Variants in LAMA3 observed in about 807,000 individuals in gnomAD.
LAMA3 encodes laminin subunit alpha 3.
A neutral mutation model predicts 402.0 loss-of-function variants in LAMA3; 281 were observed. The ratio of observed to expected loss-of-function variants is 0.70; its 90% CI spans 0.63 to 0.77. The LOEUF (loss-of-function observed/expected upper bound fraction) is 0.77. Ranked by LOEUF, LAMA3 falls within the 30% of genes least tolerant of loss-of-function variation. The pLI, the probability that LAMA3 is intolerant of heterozygous loss-of-function variation, is 0.00. For synonymous variants in LAMA3, 1,431 were observed against 1,558.4 expected, an observed-to-expected ratio of 0.92 and a Z score of 1.93; for missense variants, 3,840 against 4,215.5, an observed-to-expected ratio of 0.91 and a Z score of 2.47.
At chr18:23,919,988 A>G (rs2081774794) in intron 60 of LAMA3, among the ~76,000 whole-genome samples, 2 of 152,250 alleles carry the variant, frequency 1.3e-5, no homozygotes, top group Non-Finnish European at 2.9e-5. Flanking sequence ...CAGAATTTAC[A>G]AGATTATGTT....
intron 69 of LAMA3, 96 bp downstream of exon 69, chr18:23,944,067 G>C: frequency 8.0e-7 from 1 of 1,245,978 alleles, no homozygotes; most frequent in Non-Finnish European, 1.1e-6. Flanking sequence ...CCAGACATGA[G>C]GGCGTGGAGT....
In LAMA3 at chr18:23,833,957, G is replaced by T. The variant is rs531767904; in HGVS notation, c.2953G>T (p.Gly985Cys). The T allele has an allele frequency of 8.5e-5, 138 of 1,614,222 alleles. No individual in the cohort carries two copies. The Middle Eastern group carries it at 2.0e-3, about 23-fold the overall frequency. ...GAAGAGCTCCGGGTCTGTTCTGGCA[G>T]GCCAGGTGAACATTTACAGCTGCAA... Reference protein sequence around the residue: ...NVKSSGSVLAGQVNIYSCNYS... With the variant: ...NVKSSGSVLACQVNIYSCNYS... Residue 985 changes from glycine to cysteine, a missense_variant, in exon 24 of 75, where the codon GGC becomes TGC. Physicochemically the swap from Gly to Cys is radical, Grantham distance 159. Around this residue, in one of 3 missense-constraint regions of LAMA3, gnomAD observed 2,109 missense variants for 2,376.0 expected, o/e 0.89. Transcript: ENST00000313654.
chr18:23,697,695 T>G, intron 1 of LAMA3, among the ~76,000 whole-genome samples: 1 of 139,154 alleles, frequency 7.2e-6, no homozygotes, highest in South Asian at 2.8e-4. Flanking sequence ...AATATTCCAA[T>G]ACCCGCCCCC....
At chr18:23,921,657 G>A (rs1283100204) in intron 62 of LAMA3, 72 bp downstream of exon 62, 46 of 1,507,278 alleles carry the variant, frequency 3.1e-5, no homozygotes, top group Admixed American at 1.0e-4. Flanking sequence ...AAAAAATCTG[G>A]TCTGCCATTT....
chr18:23,710,347 A>G (rs1294784400), intron 1 of LAMA3: 7 of 410,052 alleles, frequency 1.7e-5, no homozygotes, highest in Non-Finnish European at 3.2e-5. Flanking sequence ...CCCTTTTAAA[A>G]AGCCCCACGA....
chr18:23,847,298 G>A (rs541239283), intron 31 of LAMA3, among the ~76,000 whole-genome samples, 166 bp from the exon 32 acceptor site: 120 of 152,326 alleles, frequency 7.9e-4, no homozygotes, highest in Middle Eastern at 6.8e-3. Context: ...TGTCTGCCAT[G>A]AGCATTTGGT....
intron 3 of LAMA3, 59 bp downstream of exon 3, chr18:23,748,119 C>G: frequency 9.8e-7 from 1 of 1,016,148 alleles, no homozygotes; most frequent in Non-Finnish European, 1.6e-6. Flanking sequence ...CAGATAAAGA[C>G]TATGGATTTA....
At position 23,749,473 on chromosome 18, in the gene LAMA3, T is replaced by G; in HGVS notation, c.611T>G (p.Met204Arg). ...CLKEFGREAN[M>R]AVTRDDDVLC... ...AAAGAATTTGGGCGGGAGGCAAATA[T>G]GGCTGTCACCCGGGATGATGATGTA... The change falls in exon 4 of 75, where the codon ATG becomes AGG. Residue 204 changes from methionine (M) to arginine (R), a missense_variant. By Grantham distance (91) the Met-to-Arg change is moderately conservative. This residue lies in a region of LAMA3 where 2,109 missense variants were observed against 2,376.0 expected (regional missense o/e 0.89). Transcript: ENST00000313654. 6.2e-7 allele frequency: 1 copy of G among 1,613,166 alleles called. No homozygotes were observed. Among genetic ancestry groups the G allele is most frequent in the Non-Finnish European group, 8.5e-7 (1 of 1,179,114 alleles).
chr18:23,951,441 G>T (rs1216220792), intron 72 of LAMA3, among the ~76,000 whole-genome samples: 1 of 152,184 alleles, frequency 6.6e-6, no homozygotes, highest in Non-Finnish European at 1.5e-5. Context: ...ACAACTCATT[G>T]CCATTGGCAA....
chr18:23,813,573 T>G (rs1457095831), intron 14 of LAMA3, among the ~76,000 whole-genome samples: 1 of 136,688 alleles, frequency 7.3e-6, no homozygotes, highest in Non-Finnish European at 1.5e-5. Flanking sequence ...TTTTTTTTTT[T>G]GCTCTTGTCG....
intron 1 of LAMA3, among the ~76,000 whole-genome samples, chr18:23,699,024 TAGAGAGAGAGAG>T (rs34691495): frequency 5.6e-5 from 8 of 142,466 alleles, no homozygotes; most frequent in South Asian, 2.3e-4. Context: ...GGCGGGCAGA[TAGAGAGAGAGAG>T]AGAGAGAGAG....
chr18:23,826,476 A>C (rs2063383844), intron 21 of LAMA3, among the ~76,000 whole-genome samples: 1 of 152,218 alleles, frequency 6.6e-6, no homozygotes, highest in Non-Finnish European at 1.5e-5. Flanking sequence ...TTGAAGAATA[A>C]AACTGTTCAC....
intron 22 of LAMA3, 79 bp from the exon 23 acceptor site, chr18:23,827,235 C>T (rs911274364): frequency 1.8e-5 from 25 of 1,421,718 alleles, no homozygotes; most frequent in Admixed American, 6.7e-5. Context: ...GACTGAGAGT[C>T]TTTGGGGATG....
At chr18:23,751,127 T>G in intron 5 of LAMA3, 39 bp downstream of exon 5, 6 of 1,611,238 alleles carry the variant, frequency 3.7e-6, no homozygotes, top group Non-Finnish European at 5.1e-6. Flanking sequence ...CTTTATTTAT[T>G]CATTTTTTTG....
At chr18:23,837,924 A>G (rs1385115192) in intron 25 of LAMA3, among the ~76,000 whole-genome samples, 1 of 152,232 alleles carries the variant, frequency 6.6e-6, no homozygotes, top group East Asian at 1.9e-4. Flanking sequence ...AGTTTTTAAA[A>G]AATTATAATT....
At chr18:23,853,471 C>T (rs1465617648) in intron 32 of LAMA3, among the ~76,000 whole-genome samples, 2 of 152,144 alleles carry the variant, frequency 1.3e-5, no homozygotes, top group Admixed American at 6.5e-5. Context: ...TGGGGTTTCT[C>T]CATGTTGGTC....
At chr18:23,771,855 A>T (rs1488854660) in intron 8 of LAMA3, among the ~76,000 whole-genome samples, 1 of 152,186 alleles carries the variant, frequency 6.6e-6, no homozygotes, top group Non-Finnish European at 1.5e-5. Context: ...GTAATGAAAG[A>T]AGAAAGCCAG....
intron 12 of LAMA3, among the ~76,000 whole-genome samples, chr18:23,792,229 C>A (rs2062672426): frequency 6.6e-6 from 1 of 152,134 alleles, no homozygotes; most frequent in African/African-American, 2.4e-5. Flanking sequence ...TAACAGAATA[C>A]CTGAGATTGG....
chr18:23,847,174 C>T (rs1045405804), intron 31 of LAMA3, among the ~76,000 whole-genome samples: 6 of 152,220 alleles, frequency 3.9e-5, no homozygotes, highest in African/African-American at 1.4e-4. Context: ...CTACCAATTT[C>T]CAGAATCCTT....
Sources: allele counts gnomAD v4.1 joint callset (sites outside exome capture counted in the v4.1 genomes callset), GRCh38; gene constraint gnomAD v4.1.1; regional missense constraint gnomAD v4.1.1; transcripts MANE v1.5; gene names NCBI Gene and HGNC (gene_info 2026-07-23, HGNC 2026-07-21).